Variants in LRRTM4 observed in about 807,000 individuals in gnomAD.
LRRTM4 encodes leucine rich repeat transmembrane neuronal 4, also known as leucine-rich repeat transmembrane neuronal protein 4.
LRRTM4 carries 25 observed loss-of-function variants against 47.6 expected under a neutral mutation model. The observed-to-expected ratio is 0.53, with a 90% confidence interval of 0.38 to 0.73. The LOEUF (loss-of-function observed/expected upper bound fraction) is 0.73. Among genes scored for constraint, LRRTM4 ranks in the 30% least tolerant of loss-of-function variants. The probability of loss-of-function intolerance (pLI) is 0.00; values close to 1 mark genes in which losing one functional copy is unlikely to be tolerated. For missense variants in LRRTM4, 638 were observed against 713.4 expected (o/e 0.89, Z 1.20); for synonymous variants, 311 against 269.5 (o/e 1.15, Z -1.51).
intron 3 of LRRTM4, among the ~76,000 whole-genome samples, chr2:76,781,943 ATTATC>A (rs1202236703): frequency 6.6e-6 from 1 of 152,092 alleles, no homozygotes; most frequent in Non-Finnish European, 1.5e-5. Context: ...CTGCTGTTAT[ATTATC>A]TTGACATTTT....
chr2:77,049,120 TTTTATATATATA>T (rs1344948865), intron 3 of LRRTM4, among the ~76,000 whole-genome samples: 849 of 66,470 alleles, frequency 0.013, 21 homozygotes, highest in African/African-American at 0.082. Flanking sequence ...ATATTTCATT[TTTTATATATATA>T]TATATATATA....
intron 3 of LRRTM4, among the ~76,000 whole-genome samples, chr2:76,893,227 C>T (rs1465609206): frequency 2.0e-5 from 3 of 151,526 alleles, no homozygotes; most frequent in East Asian, 3.9e-4. Flanking sequence ...CACACTTGAT[C>T]TTTAAAAGAG....
intron 3 of LRRTM4, among the ~76,000 whole-genome samples, chr2:77,022,764 G>A (rs1389548364): frequency 6.6e-6 from 1 of 152,228 alleles, no homozygotes; most frequent in Non-Finnish European, 1.5e-5. Flanking sequence ...CTCTGCCCCT[G>A]TGGCTTTGCA....
At chr2:76,868,653 A>C (rs1388807658) in intron 3 of LRRTM4, among the ~76,000 whole-genome samples, 1 of 152,214 alleles carries the variant, frequency 6.6e-6, no homozygotes, top group Non-Finnish European at 1.5e-5. Flanking sequence ...TTCTATGTGA[A>C]AATATTGCTA....
chr2:76,800,496 A>C (rs1383523606), intron 3 of LRRTM4, among the ~76,000 whole-genome samples: 18 of 146,208 alleles, frequency 1.2e-4, no homozygotes, highest in Non-Finnish European at 2.4e-4. Context: ...AAACCATAAA[A>C]ACCCTAGAAG....
chr2:76,774,849 C>T (rs1290807541), intron 3 of LRRTM4, among the ~76,000 whole-genome samples: 3 of 152,192 alleles, frequency 2.0e-5, no homozygotes, highest in Admixed American at 6.5e-5. Flanking sequence ...TAGGAGTGTT[C>T]ACGTAGTAAA....
intron 3 of LRRTM4, among the ~76,000 whole-genome samples, chr2:76,882,723 G>T (rs1672966890): frequency 6.6e-6 from 1 of 152,078 alleles, no homozygotes; most frequent in Non-Finnish European, 1.5e-5. Context: ...TGCTAAAAAT[G>T]GAGGGTTCTA....
At chr2:77,270,456 T>C (rs1391561273) in intron 3 of LRRTM4, among the ~76,000 whole-genome samples, 1 of 152,176 alleles carries the variant, frequency 6.6e-6, no homozygotes, top group Non-Finnish European at 1.5e-5. Context: ...AATATAATTC[T>C]AATTTGGTAT....
chr2:77,128,423 G>GATAGATAGAA (rs1447301308), intron 3 of LRRTM4, among the ~76,000 whole-genome samples: 1 of 85,986 alleles, frequency 1.2e-5, no homozygotes, highest in Non-Finnish European at 2.4e-5. Context: ...GATAGATAGA[G>GATAGATAGAA]AAATGTCCCA....
At chr2:76,964,480 G>A (rs1187843141) in intron 3 of LRRTM4, among the ~76,000 whole-genome samples, 1 of 150,800 alleles carries the variant, frequency 6.6e-6, no homozygotes, top group Non-Finnish European at 1.5e-5. Context: ...CAAAAGTGTT[G>A]AAATTTACCA....
At position 77,190,080 on chromosome 2, in the gene LRRTM4, C is replaced by T. The variant is rs181750697; in HGVS notation, c.1551+328238G>A. ...AAAATTTATTCTCATTTTCCAATAA[C>T]TCCTTGAGCCATTGACTCACTCTTA... On this transcript the variant is annotated intron_variant, in intron 3 of 3. Transcript: ENST00000409884. Among the ~76,000 whole-genome samples the T allele has an allele frequency of 4.9e-4, 74 of 152,114 alleles. 1 individual carries two copies. The highest frequency in any genetic ancestry group is 3.7e-3 in the South Asian group (18 of 4,818).
chr2:77,073,177 G>GTT (rs146281985), intron 3 of LRRTM4, among the ~76,000 whole-genome samples: 2 of 147,368 alleles, frequency 1.4e-5, no homozygotes, highest in African/African-American at 2.5e-5. Flanking sequence ...GTTCTTCAGT[G>GTT]TTTTTTTTTT....
chr2:76,825,814 G>C (rs986833935), intron 3 of LRRTM4, among the ~76,000 whole-genome samples: 1 of 151,592 alleles, frequency 6.6e-6, no homozygotes, highest in Non-Finnish European at 1.5e-5. Context: ...TAAGAGGTTA[G>C]TCAAAGGGAA....
At chr2:77,174,123 C>T (rs997813214) in intron 3 of LRRTM4, among the ~76,000 whole-genome samples, 4 of 152,190 alleles carry the variant, frequency 2.6e-5, no homozygotes, top group Admixed American at 2.6e-4. Flanking sequence ...CCCTGCCCAC[C>T]AAATGCACCT....
At chr2:76,766,810 G>T (rs947174982) in intron 3 of LRRTM4, among the ~76,000 whole-genome samples, 10 of 151,966 alleles carry the variant, frequency 6.6e-5, no homozygotes, top group African/African-American at 2.2e-4. Context: ...GCATCTAGTG[G>T]GTACAGGCAA....
At chr2:77,011,292 G>T (rs916797040) in intron 3 of LRRTM4, among the ~76,000 whole-genome samples, 1 of 152,060 alleles carries the variant, frequency 6.6e-6, no homozygotes, top group African/African-American at 2.4e-5. Flanking sequence ...AAAAATTAGA[G>T]TGTATTTGTA....
At chr2:77,428,521 A>T (rs1351597075) in intron 3 of LRRTM4, among the ~76,000 whole-genome samples, 2 of 152,198 alleles carry the variant, frequency 1.3e-5, no homozygotes, top group African/African-American at 4.8e-5. Context: ...CACTCATTTA[A>T]TGTGAGAAGG....
intron 3 of LRRTM4, among the ~76,000 whole-genome samples, chr2:77,154,566 A>G (rs1672510352): frequency 6.6e-6 from 1 of 152,198 alleles, no homozygotes; most frequent in South Asian, 2.1e-4. Context: ...GTAATTTTCC[A>G]AAATGAATAA....
At chr2:76,782,679 T>G (rs1674467582) in intron 3 of LRRTM4, among the ~76,000 whole-genome samples, 1 of 152,162 alleles carries the variant, frequency 6.6e-6, no homozygotes, top group South Asian at 2.1e-4. Context: ...CTTTTTCTGA[T>G]TTTTTTCTAT....
Sources: gnomAD v4.1 joint callset for allele counts (sites outside exome capture counted in the v4.1 genomes callset) on GRCh38, gnomAD v4.1.1 for gene constraint, MANE v1.5 for transcripts, NCBI Gene and HGNC (gene_info 2026-07-23, HGNC 2026-07-21) for gene names.